The following LOXHD1 variants were observed in gnomAD, a reference collection of about 807,000 sequenced individuals.
LOXHD1 encodes lipoxygenase homology PLAT domains 1.
LOXHD1 carries 205 observed loss-of-function variants against 248.2 expected under a neutral mutation model. That is an observed-to-expected ratio of 0.83 (90% confidence interval 0.74 to 0.93). LOXHD1 has a LOEUF of 0.93. Among genes scored for constraint, LOXHD1 ranks in the 40% least tolerant of loss-of-function variants. The pLI is 0.00. For missense variants in LOXHD1, 2,930 were observed against 2,971.6 expected (o/e 0.99, Z 0.33); for synonymous variants, 1,113 against 1,162.8 (o/e 0.96, Z 0.87).
At chr18:46,547,797 G>A (rs1175182918) in intron 21 of LOXHD1, among the ~76,000 whole-genome samples, 3 of 152,182 alleles carry the variant, frequency 2.0e-5, no homozygotes, top group African/African-American at 4.8e-5. Context: ...TTAGCCAATA[G>A]TTACAAAATC....
chr18:46,594,511 AG>A, intron 8 of LOXHD1, 45 bp from the exon 9 acceptor site: 1 of 1,549,576 alleles, frequency 6.5e-7, no homozygotes, highest in Non-Finnish European at 8.7e-7. Flanking sequence ...AGTCTCCAGT[AG>A]GGTCCTCTTC....
intron 16 of LOXHD1, among the ~76,000 whole-genome samples, chr18:46,568,314 G>C (rs1170561928): frequency 6.6e-6 from 1 of 152,178 alleles, no homozygotes; most frequent in Non-Finnish European, 1.5e-5. Context: ...CAATCCTCAA[G>C]TCCAAGATTT....
At chr18:46,479,232 A>ATG (rs1437862473) in intron 40 of LOXHD1, among the ~76,000 whole-genome samples, 1,285 of 72,108 alleles carry the variant, frequency 0.018, 19 homozygotes, top group African/African-American at 0.064. Context: ...TTGTATATAT[A>ATG]TGTATGTGTG....
intron 18 of LOXHD1, among the ~76,000 whole-genome samples, chr18:46,560,788 G>C (rs1156353641): frequency 6.6e-6 from 1 of 152,196 alleles, no homozygotes; most frequent in Non-Finnish European, 1.5e-5. Context: ...ACTTCTGTGT[G>C]GGCAAGCTGG....
In LOXHD1 at chr18:46,529,418, G is replaced by T. The variant is rs149459959; in HGVS notation, c.4376-87C>A. On this transcript the variant is annotated intron_variant, in intron 28 of 40. Coordinates refer to ENST00000642948, the MANE Select transcript of LOXHD1 (RefSeq NM_001384474.1). ...TCTTGAGGAACTGGATTTGTAGGAGGTGCTAAGCTTCTGGCCTAGGCCTCA... is the reference window on the plus strand; with the variant it reads ...TCTTGAGGAACTGGATTTGTAGGAGTTGCTAAGCTTCTGGCCTAGGCCTCA... 563 of 1,436,604 alleles carry T rather than the reference G, an allele frequency of 3.9e-4. 1 individual carries two copies. The African/African-American group carries it at 7.3e-3, about 19-fold the overall frequency. The allele number at this position is 1,436,604 out of a possible 1,614,324, so 89.0% of individuals were successfully genotyped here.
chr18:46,598,494 A>G (rs1172275607), intron 8 of LOXHD1, among the ~76,000 whole-genome samples: 1 of 138,844 alleles, frequency 7.2e-6, no homozygotes. Context: ...AGAAAGAACT[A>G]TAAGCTTTGA....
chr18:46,567,610 GA>G (rs1568190949), intron 16 of LOXHD1, among the ~76,000 whole-genome samples: 3 of 152,212 alleles, frequency 2.0e-5, no homozygotes, highest in South Asian at 4.1e-4. Context: ...CCTAAGGGCA[GA>G]CACTAGCTCA....
intron 4 of LOXHD1, among the ~76,000 whole-genome samples, chr18:46,637,749 T>C (rs2038911196): frequency 6.6e-6 from 1 of 152,178 alleles, no homozygotes; most frequent in East Asian, 1.9e-4. Context: ...AATCAAACAA[T>C]ACTACCAAAT....
chr18:46,534,991 C>T (rs1344367846), intron 26 of LOXHD1, among the ~76,000 whole-genome samples: 1 of 152,176 alleles, frequency 6.6e-6, no homozygotes, highest in Non-Finnish European at 1.5e-5. Flanking sequence ...CTCTTCTTTA[C>T]CTAACCCATA....
rs147800481 is a variant in LOXHD1, at chr18:46,542,689, A to G, written c.3748+38T>C. 56 of 1,550,702 alleles carry G rather than the reference A, an allele frequency of 3.6e-5. No individual in the cohort carries two copies. The African/African-American group carries it at 5.9e-4, about 16-fold the overall frequency. On this transcript the variant is annotated intron_variant, in intron 24 of 40. Coordinates refer to ENST00000642948, the MANE Select transcript of LOXHD1 (RefSeq NM_001384474.1). ...CCACAAGGACCTGTCCATGGTCCTT[A>G]AAGTCTTAGCAAGGAACAGAGGGGA...
At chr18:46,538,019 T>C (rs2036389684) in intron 26 of LOXHD1, 137 bp downstream of exon 26, 1 of 736,560 alleles carries the variant, frequency 1.4e-6, no homozygotes, top group Non-Finnish European at 2.1e-6. Flanking sequence ...CCCAGGAAGG[T>C]AGGATGAGCT....
In LOXHD1 at chr18:46,560,423, G is replaced by A. The variant is rs755305237; in HGVS notation, c.2721C>T (p.Asp907=). The change falls in exon 19 of 41, where the codon GAC becomes GAT. Residue 907 remains aspartate, a synonymous_variant. Transcript: ENST00000642948. ...TCCGGGCCTCCTCCTCCGGCGTGAG[G>A]TCCACCTCCCGCACCACCAGGTGCC... The part of the protein sequence containing the change: ...WLRHLVVREV[D]LTPEEEARKK... 22 of 1,547,228 alleles carry A rather than the reference G, an allele frequency of 1.4e-5. No homozygotes were observed. The Admixed American group carries it at 2.0e-4, about 14-fold the overall frequency.
At chr18:46,509,854 GC>G in intron 34 of LOXHD1, 39 bp from the exon 35 acceptor site, 2 of 845,068 alleles carry the variant, frequency 2.4e-6, no homozygotes, top group Non-Finnish European at 3.7e-6. Flanking sequence ...AGGGAAGCTG[GC>G]CATTGGGGAG....
chr18:46,563,915 C>T (rs1006912102), intron 17 of LOXHD1, among the ~76,000 whole-genome samples: 1 of 151,914 alleles, frequency 6.6e-6, no homozygotes, highest in Admixed American at 6.6e-5. Flanking sequence ...GAGCAGTGAG[C>T]GCAGAGAGAG....
At chr18:46,598,726 T>G (rs1313360060) in intron 8 of LOXHD1, among the ~76,000 whole-genome samples, 4 of 152,138 alleles carry the variant, frequency 2.6e-5, no homozygotes, top group Non-Finnish European at 2.9e-5. Context: ...AATTATAAGG[T>G]CTCTTAAACA....
intron 37 of LOXHD1, among the ~76,000 whole-genome samples, chr18:46,498,931 T>A (rs1460351279): frequency 1.3e-5 from 2 of 152,066 alleles, no homozygotes; most frequent in Non-Finnish European, 2.9e-5. Flanking sequence ...TAGAAACCCC[T>A]CAGTCACCTA....
chr18:46,509,807 C>T lies in LOXHD1; in HGVS notation c.5408G>A (p.Arg1803Gln), dbSNP rs750946496. 1.7e-5 allele frequency: 27 copies of T among 1,548,854 alleles called. No individual in the cohort carries two copies. Among genetic ancestry groups the T allele is most frequent in the East Asian group, 2.4e-5 (1 of 40,834 alleles). Residue 1803 changes from arginine (R) to glutamine (Q), a missense_variant, in exon 35 of 41, where the codon CGG becomes CAG. By Grantham distance (43) the Arg-to-Gln change is conservative. Coordinates refer to ENST00000642948, the MANE Select transcript of LOXHD1 (RefSeq NM_001384474.1). Reference protein sequence around the residue: ...QLDKKKARFEREQNDTFIMEI... With the variant: ...QLDKKKARFEQEQNDTFIMEI... ...CATGATGAAGGTGTCGTTCTGCTCCCGCTCAAACCTGGGGGTGGAGAGGAG... is the reference window on the plus strand; with the variant it reads ...CATGATGAAGGTGTCGTTCTGCTCCTGCTCAAACCTGGGGGTGGAGAGGAG...
At chr18:46,479,272 G>A (rs1200141183) in intron 40 of LOXHD1, among the ~76,000 whole-genome samples, 2 of 141,618 alleles carry the variant, frequency 1.4e-5, no homozygotes, top group Non-Finnish European at 3.1e-5. Context: ...GTGTGTTCAT[G>A]GACTGCAGAG....
chr18:46,537,382 T>C (rs1472306559), intron 26 of LOXHD1, among the ~76,000 whole-genome samples: 1 of 152,238 alleles, frequency 6.6e-6, no homozygotes. Flanking sequence ...TTAAGTGGGT[T>C]AGCCTATGAC....
Sources: allele counts gnomAD v4.1 joint callset (sites outside exome capture counted in the v4.1 genomes callset), GRCh38; gene constraint gnomAD v4.1.1; transcripts MANE v1.5; gene names NCBI Gene and HGNC (gene_info 2026-07-23, HGNC 2026-07-21).